REDIC1: variants seen among roughly 807,000 people sequenced by gnomAD.
REDIC1 encodes the protein HEI10 Interacting Protein 1.
the REDIC1 span, among the ~76,000 whole-genome samples, chr12:39,822,424 G>A: frequency 6.6e-6 from 1 of 152,050 alleles, no homozygotes; most frequent in Non-Finnish European, 1.5e-5. Context: ...ATCTAAATAA[G>A]GCTCTTTAAC....
chr12:39,862,161 C>T, the REDIC1 span, among the ~76,000 whole-genome samples: 3 of 152,148 alleles, frequency 2.0e-5, no homozygotes, highest in Non-Finnish European at 2.9e-5. Flanking sequence ...TTGGAAAATA[C>T]ATTATCAATC....
chr12:39,642,886 G>T, the REDIC1 span, among the ~76,000 whole-genome samples: 1 of 151,656 alleles, frequency 6.6e-6, no homozygotes, highest in Non-Finnish European at 1.5e-5. Context: ...AAACTTAAAA[G>T]TTATAATTAA....
At chr12:39,679,991 A>T in the REDIC1 span, among the ~76,000 whole-genome samples, 1 of 152,190 alleles carries the variant, frequency 6.6e-6, no homozygotes, top group South Asian at 2.1e-4. Context: ...AATCAAGTCA[A>T]GATTGATAAA....
the REDIC1 span, among the ~76,000 whole-genome samples, chr12:39,797,695 T>C: frequency 6.6e-6 from 1 of 150,872 alleles, no homozygotes; most frequent in Non-Finnish European, 1.5e-5. Flanking sequence ...AATGAAAAGC[T>C]AATGGATACA....
the REDIC1 span, among the ~76,000 whole-genome samples, chr12:39,699,950 A>G: frequency 1.3e-5 from 2 of 152,170 alleles, no homozygotes; most frequent in Non-Finnish European, 2.9e-5. Context: ...CATCACCATC[A>G]TCAAAGACCA....
chr12:39,677,672 G>A, the REDIC1 span, among the ~76,000 whole-genome samples: 4 of 152,094 alleles, frequency 2.6e-5, no homozygotes, highest in Admixed American at 1.3e-4. Context: ...CATTCTCCAA[G>A]ATAGACCATA....
the REDIC1 span, among the ~76,000 whole-genome samples, chr12:39,668,567 G>A: frequency 6.6e-6 from 1 of 152,108 alleles, no homozygotes; most frequent in Admixed American, 6.5e-5. Flanking sequence ...TTCTCGAGGA[G>A]TATCTTTGTG....
At chr12:39,733,389 T>TA in the REDIC1 span, among the ~76,000 whole-genome samples, 2,539 of 152,300 alleles carry the variant, frequency 0.017, 66 homozygotes, top group African/African-American at 0.055. Context: ...CTTTAGTTTT[T>TA]ATCTTTAGGC....
chr12:39,764,827 C>T, the REDIC1 span: 1 of 1,612,318 alleles, frequency 6.2e-7, no homozygotes, highest in Non-Finnish European at 8.5e-7. Flanking sequence ...CAAAATATAT[C>T]TTCTGTTTTG....
At chr12:39,758,786 A>G in the REDIC1 span, 1 of 151,980 alleles carries the variant, frequency 6.6e-6, no homozygotes, top group Non-Finnish European at 1.5e-5. Flanking sequence ...AGACAAATCT[A>G]TGTATCTTTT....
chr12:39,701,408 C>A, the REDIC1 span, among the ~76,000 whole-genome samples: 1 of 152,086 alleles, frequency 6.6e-6, no homozygotes, highest in Non-Finnish European at 1.5e-5. Flanking sequence ...ATATATGCAC[C>A]CAATACAGGA....
At chr12:39,849,777 G>A in the REDIC1 span, among the ~76,000 whole-genome samples, 1 of 151,968 alleles carries the variant, frequency 6.6e-6, no homozygotes, top group Non-Finnish European at 1.5e-5. Context: ...TGTTGTCTCT[G>A]TCTTTTAAGG....
chr12:39,898,783 C>G, the REDIC1 span, among the ~76,000 whole-genome samples: 3 of 152,124 alleles, frequency 2.0e-5, no homozygotes, highest in African/African-American at 7.2e-5. Context: ...CTCAATTATT[C>G]TCTCACAGCA....
the REDIC1 span, chr12:39,830,069 A>T: frequency 6.2e-7 from 1 of 1,612,330 alleles, no homozygotes; most frequent in Non-Finnish European, 8.5e-7. Flanking sequence ...TTGAAATATT[A>T]TTATATATTC....
the REDIC1 span, among the ~76,000 whole-genome samples, chr12:39,722,874 G>C: frequency 1.3e-5 from 2 of 152,144 alleles, no homozygotes; most frequent in Non-Finnish European, 2.9e-5. Flanking sequence ...GTCATGGCTA[G>C]TGAGTGTCTT....
chr12:39,808,987 T>C, the REDIC1 span, among the ~76,000 whole-genome samples: 4 of 152,160 alleles, frequency 2.6e-5, no homozygotes, highest in African/African-American at 9.7e-5. Flanking sequence ...TTGCTTACCC[T>C]GATGTCGCAA....
At chr12:39,731,531 C>A in the REDIC1 span, among the ~76,000 whole-genome samples, 2 of 152,148 alleles carry the variant, frequency 1.3e-5, no homozygotes, top group Admixed American at 1.3e-4. Flanking sequence ...AAGCTTTGTC[C>A]CAGAGGGGCA....
At chr12:39,804,284 G>A in the REDIC1 span, among the ~76,000 whole-genome samples, 2 of 152,192 alleles carry the variant, frequency 1.3e-5, no homozygotes, top group East Asian at 3.9e-4. Flanking sequence ...AGTTATCAAG[G>A]ATAAATGTCA....
the REDIC1 span, among the ~76,000 whole-genome samples, chr12:39,711,507 ATG>A: frequency 8.4e-5 from 12 of 142,020 alleles, no homozygotes; most frequent in South Asian, 2.1e-4. Context: ...GTATGTATAT[ATG>A]TGTATATATG....
Sources: allele counts gnomAD v4.1 joint callset (sites outside exome capture counted in the v4.1 genomes callset), GRCh38; gene constraint gnomAD v4.1.1; transcripts MANE v1.5; gene names NCBI Gene and HGNC (gene_info 2026-07-23, HGNC 2026-07-21).